The following ANKRD44 variants were observed in gnomAD, a reference collection of about 807,000 sequenced individuals.
ANKRD44 encodes the protein serine/threonine-protein phosphatase 6 regulatory ankyrin repeat subunit B.
A neutral mutation model predicts 116.0 loss-of-function variants in ANKRD44; 35 were observed. That is an observed-to-expected ratio of 0.30 (90% CI 0.23 to 0.40). ANKRD44 has a LOEUF of 0.40. ANKRD44 is among the 10% of genes least tolerant of loss of function. The pLI, the probability that ANKRD44 is intolerant of heterozygous loss-of-function variation, is 1.00. For missense variants in ANKRD44, 1,014 were observed against 1,242.6 expected (o/e 0.82, Z 2.77); for synonymous variants, 435 against 461.8 (o/e 0.94, Z 0.74).
intron 4 of ANKRD44, chr2:197,136,224 C>A: frequency 4.1e-6 from 1 of 242,096 alleles, no homozygotes; most frequent in Non-Finnish European, 8.2e-6. Flanking sequence ...CCTTTAAGGA[C>A]CAGATCAACT....
rs375599326 is a variant in ANKRD44, at chr2:197,154,210, C to T, written c.112-7105G>A. Among the ~76,000 whole-genome samples, 562 of 131,734 alleles carry T rather than the reference C, an allele frequency of 4.3e-3. 3 individuals are homozygous for T. Among genetic ancestry groups the T allele is most frequent in the African/African-American group, 0.015 (511 of 35,016 alleles). 86.4% of individuals were successfully genotyped at this position (131,734 alleles called of 152,430 possible). ...TTTTTTTTTTTTTGAGACGGAGTCT[C>T]GCTCTGTCGCCCAGGCTGGAGTGCA... On this transcript the variant is annotated intron_variant, in intron 2 of 27. Coordinates refer to ENST00000282272, the MANE Select transcript of ANKRD44 (RefSeq NM_001195144.2).
rs184202174 is a variant in ANKRD44, at chr2:196,990,801, T to C, written c.2924-1152A>G. The stretch of plus-strand genomic sequence containing the variant: ...GGTCGTCCTGCTCAAATTGTCTTTT[T>C]TTAAACAAACGAAGTTGACAGCCAT... On this transcript the variant is annotated intron_variant, in intron 27 of 27. Transcript: ENST00000282272. 1.6e-4 allele frequency: 193 copies of C among 1,232,254 alleles called. No individual in the cohort carries two copies. In the African/African-American group the frequency reaches 2.7e-3, roughly 17 times the overall value. The allele number at this position is 1,232,254 out of a possible 1,614,324, so 76.3% of individuals were successfully genotyped here. A position where few individuals can be genotyped will look rare whatever the true frequency, so the allele number is the denominator to read the frequency against.
Position 197,078,931 on chromosome 2 carries a change from T to C in ANKRD44, c.1539-117A>G, listed in dbSNP as rs1284362127. 6 of 1,071,254 alleles carry C rather than the reference T, an allele frequency of 5.6e-6. No individual in the cohort carries two copies. In the Admixed American group the frequency reaches 1.6e-4, roughly 29 times the overall value. The allele number at this position is 1,071,254 out of a possible 1,614,324, so 66.4% of individuals were successfully genotyped here. The stretch of plus-strand genomic sequence containing the variant: ...GAAGTACTTTATGAGTTTGTTTCTT[T>C]AAAAATCCTACAGCAATGAAGTTTT... On this transcript the variant is annotated intron_variant, in intron 15 of 27. Coordinates refer to ENST00000282272, the MANE Select transcript of ANKRD44 (RefSeq NM_001195144.2).
In ANKRD44 at chr2:197,099,868, C is replaced by A. The variant is rs750218940; in HGVS notation, c.1048G>T (p.Gly350Cys). ...NTPLHVAARYGHELLINTLIT... is the reference protein window; with the variant it reads ...NTPLHVAARYCHELLINTLIT... ...AAGGTGTTAATCAAAAGCTCATGAC[C>A]GTATCTTGCAGCCACATGGAGAGGA... The change falls in exon 10 of 28, where the codon GGT (glycine) becomes TGT (cysteine). Residue 350 changes from glycine to cysteine, a missense_variant. Gly to Cys is a radical substitution (Grantham distance 159). Transcript: ENST00000282272. The A allele has an allele frequency of 2.5e-6, 4 of 1,614,144 alleles. No individual in the cohort carries two copies. Among genetic ancestry groups the A allele is most frequent in the Admixed American group, 1.7e-5 (1 of 60,016 alleles).
chr2:197,116,612 T>A (rs1303565301), intron 8 of ANKRD44, among the ~76,000 whole-genome samples: 1 of 152,188 alleles, frequency 6.6e-6, no homozygotes, highest in African/African-American at 2.4e-5. Flanking sequence ...CCTTTTATCA[T>A]CCCTTTCTCT....
intron 16 of ANKRD44, among the ~76,000 whole-genome samples, chr2:197,072,381 A>G (rs1323420139): frequency 6.6e-6 from 1 of 152,218 alleles, no homozygotes; most frequent in Non-Finnish European, 1.5e-5. Flanking sequence ...ACATGTTAGT[A>G]TAGGTTTTTA....
At chr2:197,184,597 G>C (rs932640965) in intron 2 of ANKRD44, among the ~76,000 whole-genome samples, 1 of 137,188 alleles carries the variant, frequency 7.3e-6, no homozygotes, top group South Asian at 2.3e-4. Context: ...CCGAGATCAC[G>C]CCACTGCACT....
chr2:197,106,603 C>T (rs1381096614), intron 9 of ANKRD44, among the ~76,000 whole-genome samples: 1 of 151,886 alleles, frequency 6.6e-6, no homozygotes. Flanking sequence ...TCCTGGCTAA[C>T]ATGGTGAAAG....
chr2:197,255,344 G>GTGAGAAACACA (rs2105691621), intron 1 of ANKRD44, among the ~76,000 whole-genome samples: 1 of 152,318 alleles, frequency 6.6e-6, no homozygotes, highest in South Asian at 2.1e-4. Flanking sequence ...GAACACTCAT[G>GTGAGAAACACA]TGAGAAACAC....
In ANKRD44 at chr2:197,124,676, CCTGT is replaced by C. The variant is rs889572445; in HGVS notation, c.550+701_550+704del. On this transcript the variant is annotated intron_variant, in intron 6 of 27. Transcript: ENST00000282272. ...GTTTACAACTTGGTGCTGATAGAAT[CCTGT>C]CTATTTTTCTAATGGCAGGATGTTC... Among the ~76,000 whole-genome samples, 97 of 152,150 alleles carry C rather than the reference CCTGT, an allele frequency of 6.4e-4. 1 individual carries two copies. Among genetic ancestry groups the C allele is most frequent in the Non-Finnish European group, 1.6e-4 (11 of 68,024 alleles).
chr2:197,310,687 G>T lies in ANKRD44; in HGVS notation c.-83C>A. On this transcript the variant is annotated 5_prime_UTR_variant, in exon 1 of 28. Transcript: ENST00000282272. Reference sequence around the variant, plus strand: ...GGGAGCCGGGGAAGCGGAAGGGATTGCCAGGAGAAGGGAAAAAATCTGGCT... The same window carrying T: ...GGGAGCCGGGGAAGCGGAAGGGATTTCCAGGAGAAGGGAAAAAATCTGGCT... 1 of 1,255,736 alleles carries T rather than the reference G, an allele frequency of 8.0e-7. No homozygotes were observed. The highest frequency in any genetic ancestry group is 1.0e-6 in the Non-Finnish European group (1 of 974,352). 77.8% of individuals were successfully genotyped at this position (1,255,736 alleles called of 1,614,324 possible).
chr2:197,104,975 C>T (rs1025606165), intron 9 of ANKRD44, among the ~76,000 whole-genome samples: 4 of 152,166 alleles, frequency 2.6e-5, no homozygotes, highest in Non-Finnish European at 5.9e-5. Flanking sequence ...GGGTCTGCAA[C>T]TTAATAGCTG....
chr2:197,096,526 T>G (rs2078164691), intron 10 of ANKRD44, among the ~76,000 whole-genome samples: 1 of 152,104 alleles, frequency 6.6e-6, no homozygotes, highest in Non-Finnish European at 1.5e-5. Flanking sequence ...GACTTAAAGT[T>G]CAGAGAAGCA....
chr2:197,074,895 G>A (rs541655512), intron 16 of ANKRD44, among the ~76,000 whole-genome samples: 1 of 152,234 alleles, frequency 6.6e-6, no homozygotes, highest in South Asian at 2.1e-4. Flanking sequence ...TTATTTGAAA[G>A]CAGCATAATT....
chr2:197,146,858 A>G (rs1366443063), intron 3 of ANKRD44, among the ~76,000 whole-genome samples, 169 bp downstream of exon 3: 1 of 152,264 alleles, frequency 6.6e-6, no homozygotes, highest in Non-Finnish European at 1.5e-5. Context: ...TTTTTCAATA[A>G]GAACAACTTC....
At chr2:197,297,521 C>G (rs1043265492) in intron 1 of ANKRD44, among the ~76,000 whole-genome samples, 1 of 152,170 alleles carries the variant, frequency 6.6e-6, no homozygotes, top group South Asian at 2.1e-4. Context: ...AGACTTTTCC[C>G]ACTTGATTAT....
intron 21 of ANKRD44, among the ~76,000 whole-genome samples, chr2:196,980,981 T>A (rs1469927792): frequency 1.3e-5 from 2 of 152,178 alleles, no homozygotes; most frequent in East Asian, 1.9e-4. Context: ...GTTGGCCTCC[T>A]CAGATTTTTA....
At chr2:197,166,974 A>G (rs1218403674) in intron 2 of ANKRD44, among the ~76,000 whole-genome samples, 4 of 152,362 alleles carry the variant, frequency 2.6e-5, no homozygotes, top group Admixed American at 2.6e-4. Context: ...TAAAAGCATA[A>G]CATCATAAGT....
chr2:197,010,449 T>C (rs185584431), intron 18 of ANKRD44, among the ~76,000 whole-genome samples: 1 of 152,062 alleles, frequency 6.6e-6, no homozygotes, highest in East Asian at 1.9e-4. Flanking sequence ...TGGGGGCCAA[T>C]GTGGGCAGGA....
Sources: gnomAD v4.1 joint callset for allele counts (sites outside exome capture counted in the v4.1 genomes callset) on GRCh38, gnomAD v4.1.1 for gene constraint, MANE v1.5 for transcripts, NCBI Gene and HGNC (gene_info 2026-07-23, HGNC 2026-07-21) for gene names.